Variants in TMEM26 observed in about 807,000 individuals in gnomAD.
TMEM26 encodes transmembrane protein 26.
TMEM26 carries 38 observed loss-of-function variants against 28.8 expected under a neutral mutation model. That is an observed-to-expected ratio of 1.32 (90% CI 1.02 to 1.73). The LOEUF is 1.73. Ranked by LOEUF, TMEM26 falls within the 40% of genes most tolerant of loss-of-function variation. The pLI, the probability that TMEM26 is intolerant of heterozygous loss-of-function variation, is 0.00. For synonymous variants in TMEM26, 227 were observed against 182.9 expected (o/e 1.24, Z -1.95); for missense variants, 518 against 447.1 (o/e 1.16, Z -1.43).
At chr10:61,412,770 A>G (rs1839587763) in intron 5 of TMEM26, 2 of 286,002 alleles carry the variant, frequency 7.0e-6, no homozygotes, top group South Asian at 9.3e-5. Flanking sequence ...TTAATGTTTT[A>G]AATTTTTAAT....
intron 2 of TMEM26, among the ~76,000 whole-genome samples, chr10:61,435,905 G>A (rs1466503613): frequency 6.6e-6 from 1 of 152,054 alleles, no homozygotes; most frequent in African/African-American, 2.4e-5. Context: ...TGGGGGACAG[G>A]GGAAGTCTTA....
chr10:61,446,278 T>C (rs1045744917), intron 1 of TMEM26, among the ~76,000 whole-genome samples: 1 of 152,178 alleles, frequency 6.6e-6, no homozygotes, highest in Admixed American at 6.5e-5. Flanking sequence ...CATTTGCTAA[T>C]AACATTCAGT....
chr10:61,435,513 C>T (rs978364560), intron 2 of TMEM26, among the ~76,000 whole-genome samples: 2 of 152,144 alleles, frequency 1.3e-5, no homozygotes, highest in African/African-American at 4.8e-5. Flanking sequence ...ACAATGTGAT[C>T]TTCTAATACA....
At chr10:61,429,247 G>C (rs1839883538) in intron 3 of TMEM26, 101 bp from the exon 4 acceptor site, 1 of 960,700 alleles carries the variant, frequency 1.0e-6, no homozygotes, top group Non-Finnish European at 1.6e-6. Flanking sequence ...CTTTTGTAGA[G>C]AGTAATTTTC....
intron 1 of TMEM26, among the ~76,000 whole-genome samples, chr10:61,442,757 G>C (rs985083919): frequency 6.6e-6 from 1 of 152,134 alleles, no homozygotes; most frequent in African/African-American, 2.4e-5. Flanking sequence ...CAATGCAAAG[G>C]TTGTCTGTCC....
At chr10:61,426,619 T>TCA (rs1226021449) in intron 4 of TMEM26, among the ~76,000 whole-genome samples, 1 of 152,082 alleles carries the variant, frequency 6.6e-6, no homozygotes. Context: ...CATTGTAGGC[T>TCA]TTCTCCTAAA....
intron 1 of TMEM26, among the ~76,000 whole-genome samples, chr10:61,444,269 G>T (rs1840141925): frequency 6.6e-6 from 1 of 151,910 alleles, no homozygotes; most frequent in Non-Finnish European, 1.5e-5. Context: ...ACAGCATCTG[G>T]TACAATAAAT....
chr10:61,417,797 AATG>A (rs894498787), intron 4 of TMEM26, among the ~76,000 whole-genome samples: 1 of 152,050 alleles, frequency 6.6e-6, no homozygotes, highest in African/African-American at 2.4e-5. Context: ...TCTCCGTGGC[AATG>A]ATGTTGAAAC....
At chr10:61,424,826 T>C (rs1839804193) in intron 4 of TMEM26, among the ~76,000 whole-genome samples, 1 of 152,066 alleles carries the variant, frequency 6.6e-6, no homozygotes, top group Non-Finnish European at 1.5e-5. Flanking sequence ...AAAGAAAGAC[T>C]CCTTTCAACA....
intron 4 of TMEM26, among the ~76,000 whole-genome samples, chr10:61,420,130 G>T (rs1045716987): frequency 6.6e-6 from 1 of 152,092 alleles, no homozygotes. Context: ...CACATATTTT[G>T]TATGTTATAT....
chr10:61,446,210 C>T (rs150026705), intron 1 of TMEM26, among the ~76,000 whole-genome samples: 5 of 152,142 alleles, frequency 3.3e-5, no homozygotes, highest in African/African-American at 7.2e-5. Flanking sequence ...AAGCATGGTA[C>T]TAATTTTTGA....
At chr10:61,412,480 C>T (rs17181538) in intron 5 of TMEM26, among the ~76,000 whole-genome samples, 4,124 of 152,194 alleles carry the variant, frequency 0.027, 87 homozygotes, top group Non-Finnish European at 0.043. Flanking sequence ...TAATTCTAAT[C>T]CTGAGGCTGG....
intron 2 of TMEM26, among the ~76,000 whole-genome samples, chr10:61,435,181 T>C (rs952749892): frequency 6.6e-6 from 1 of 152,120 alleles, no homozygotes; most frequent in Non-Finnish European, 1.5e-5. Flanking sequence ...GGGACTCTTA[T>C]TGGAAGCTAC....
chr10:61,430,141 G>T (rs1385174687), intron 3 of TMEM26, among the ~76,000 whole-genome samples: 1 of 151,998 alleles, frequency 6.6e-6, no homozygotes, highest in Non-Finnish European at 1.5e-5. Context: ...GTAGAGTAAA[G>T]ATTAATATTT....
chr10:61,429,940 T>C (rs1377497973), intron 3 of TMEM26, among the ~76,000 whole-genome samples: 1 of 152,102 alleles, frequency 6.6e-6, no homozygotes, highest in Non-Finnish European at 1.5e-5. Context: ...ACTATGTTTG[T>C]GCAAAATTCA....
At chr10:61,413,043 A>C in intron 5 of TMEM26, 1 of 1,109,506 alleles carries the variant, frequency 9.0e-7, no homozygotes, top group Non-Finnish European at 1.2e-6. Context: ...ATAAGAAATA[A>C]AACTTTTATG....
Position 61,408,680 on chromosome 10 carries a change from C to A in TMEM26, c.*1642G>T, listed in dbSNP as rs770554894. 6.6e-6 allele frequency: 1 copy of A among 152,144 alleles called. No individual in the cohort carries two copies. The highest frequency in any genetic ancestry group is 1.5e-5 in the Non-Finnish European group (1 of 68,026). The allele number at this position is 152,144 out of a possible 1,614,324, so 9.4% of individuals were successfully genotyped here. A position where few individuals can be genotyped will look rare whatever the true frequency, so the allele number is the denominator to read the frequency against. On this transcript the variant is annotated 3_prime_UTR_variant, in exon 6 of 6. Coordinates refer to ENST00000399298, the MANE Select transcript of TMEM26 (RefSeq NM_178505.8). ...GATTTACTTCATATAAATATAATTT[C>A]TTGATCTTAACTTTCATAAAATTAT...
chr10:61,413,500 A>G lies in TMEM26; in HGVS notation c.641T>C (p.Ile214Thr), dbSNP rs1459654990. Residue 214 changes from isoleucine to threonine, a missense_variant, in exon 5 of 6, where the codon ATA becomes ACA. By Grantham distance (89) the Ile-to-Thr change is moderately conservative. Transcript: ENST00000399298. ...SPALVYAILV[I>T]WTWSMLQFPL... ...AAACTGCAGCATGCTCCAAGTCCAT[A>G]TAACAAGGATGGCATAGACTAGTGC... 55 of 1,613,018 alleles carry G rather than the reference A, an allele frequency of 3.4e-5. No homozygotes were observed. Among genetic ancestry groups the G allele is most frequent in the Non-Finnish European group, 4.7e-5 (55 of 1,179,374 alleles).
At chr10:61,432,995 T>C (rs1178105927) in intron 2 of TMEM26, among the ~76,000 whole-genome samples, 1 of 152,200 alleles carries the variant, frequency 6.6e-6, no homozygotes, top group East Asian at 1.9e-4. Context: ...TGTTTTTATT[T>C]AAGATTTATT....
Sources: allele counts gnomAD v4.1 joint callset (sites outside exome capture counted in the v4.1 genomes callset), GRCh38; gene constraint gnomAD v4.1.1; transcripts MANE v1.5; gene names NCBI Gene and HGNC (gene_info 2026-07-23, HGNC 2026-07-21).